DENND1B: variants seen among roughly 807,000 people sequenced by gnomAD.
DENND1B encodes the protein DENN domain-containing protein 1B.
DENND1B carries 59 observed loss-of-function variants against 90.1 expected under a neutral mutation model. That is an observed-to-expected ratio of 0.65 (90% CI 0.53 to 0.81). DENND1B has a LOEUF of 0.81. Ranked by LOEUF, DENND1B falls within the 40% of genes least tolerant of loss-of-function variation. The probability of loss-of-function intolerance (pLI) is 0.00; values close to 1 mark genes in which losing one functional copy is unlikely to be tolerated. For synonymous variants in DENND1B, 337 were observed against 324.6 expected (o/e 1.04, Z -0.41); for missense variants, 862 against 912.6 (o/e 0.94, Z 0.71).
intron 3 of DENND1B, among the ~76,000 whole-genome samples, chr1:197,714,403 C>T (rs1252056247): frequency 2.0e-5 from 3 of 152,020 alleles, no homozygotes; most frequent in Non-Finnish European, 4.4e-5. Context: ...TTTCTATTTA[C>T]ATATATCATG....
chr1:197,558,397 C>G (rs1053707352), intron 15 of DENND1B, among the ~76,000 whole-genome samples: 3 of 151,624 alleles, frequency 2.0e-5, no homozygotes, highest in African/African-American at 7.3e-5. Context: ...CCCTCTAAAT[C>G]ATCAACAATT....
chr1:197,653,487 G>A (rs1337802543), intron 6 of DENND1B, among the ~76,000 whole-genome samples: 1 of 151,928 alleles, frequency 6.6e-6, no homozygotes, highest in African/African-American at 2.4e-5. Context: ...TTCTTACATT[G>A]ATCAAGTAAG....
intron 12 of DENND1B, among the ~76,000 whole-genome samples, chr1:197,610,904 ATGT>A (rs1677126907): frequency 6.6e-6 from 1 of 150,912 alleles, no homozygotes; most frequent in Non-Finnish European, 1.5e-5. Context: ...CAAATAAAAA[ATGT>A]TGCCCTAGCA....
intron 15 of DENND1B, among the ~76,000 whole-genome samples, chr1:197,565,292 T>C (rs1287469158): frequency 6.6e-6 from 1 of 152,008 alleles, no homozygotes; most frequent in Non-Finnish European, 1.5e-5. Flanking sequence ...ACTCCTTTTA[T>C]TCAACATCTT....
chr1:197,672,125 T>C lies in DENND1B; in HGVS notation c.208A>G (p.Thr70Ala). 6.2e-7 allele frequency: 1 copy of C among 1,612,072 alleles called. No individual in the cohort carries two copies. The highest frequency in any genetic ancestry group is 8.5e-7 in the Non-Finnish European group (1 of 1,178,886). ...CTTTCAATGTCTGTCAGTACAAAGG[T>C]AAAGTGCTGTCCAACTTGATTCTGA... ...VSQNQVGQHF[T>A]FVLTDIESKQ... The change falls in exon 5 of 23, where the codon ACC (threonine) becomes GCC (alanine). Residue 70 changes from threonine (T) to alanine (A), a missense_variant. Physicochemically the swap from Thr to Ala is moderately conservative, Grantham distance 58. Coordinates refer to ENST00000620048, the MANE Select transcript of DENND1B (RefSeq NM_001195215.2).
In DENND1B at chr1:197,649,490, A is replaced by T. The variant is rs115557334; in HGVS notation, c.448-2376T>A. Among the ~76,000 whole-genome samples, 938 of 152,280 alleles carry T rather than the reference A, an allele frequency of 6.2e-3. 12 individuals carry two copies. The highest frequency in any genetic ancestry group is 0.022 in the African/African-American group (907 of 41,550). On this transcript the variant is annotated intron_variant, in intron 7 of 22. Coordinates refer to ENST00000620048, the MANE Select transcript of DENND1B (RefSeq NM_001195215.2). The stretch of plus-strand genomic sequence containing the variant: ...TAATGTAAGAGAACACTACTATCAC[A>T]TGAAATCACAGGATGAAATTTGCTC...
chr1:197,682,066 T>C (rs1395046313), intron 3 of DENND1B, among the ~76,000 whole-genome samples: 2 of 151,962 alleles, frequency 1.3e-5, no homozygotes, highest in African/African-American at 4.8e-5. Flanking sequence ...ATAAACCAGA[T>C]AGGACTCTTG....
intron 2 of DENND1B, among the ~76,000 whole-genome samples, chr1:197,737,993 C>T (rs1662867832): frequency 1.4e-5 from 2 of 140,686 alleles, no homozygotes; most frequent in South Asian, 2.5e-4. Flanking sequence ...GATAACCCAG[C>T]TCATTTTCTT....
At chr1:197,642,963 AC>A in intron 9 of DENND1B, 142 bp from the exon 10 acceptor site, 1 of 569,768 alleles carries the variant, frequency 1.8e-6, no homozygotes, top group Non-Finnish European at 3.1e-6. Context: ...TAAGTGTAAT[AC>A]TAGTCGGCTG....
chr1:197,753,836 A>C (rs1031563901), intron 2 of DENND1B, among the ~76,000 whole-genome samples: 3 of 151,932 alleles, frequency 2.0e-5, no homozygotes, highest in Non-Finnish European at 4.4e-5. Context: ...TCCCGTCTCT[A>C]CTAAAAATAC....
chr1:197,667,239 T>C (rs1022353836), intron 5 of DENND1B, among the ~76,000 whole-genome samples: 4 of 152,036 alleles, frequency 2.6e-5, no homozygotes, highest in African/African-American at 7.2e-5. Context: ...TTAGGTGTCA[T>C]AGAATTTCTC....
intron 10 of DENND1B, among the ~76,000 whole-genome samples, chr1:197,641,799 T>C (rs909393156): frequency 2.0e-5 from 3 of 152,140 alleles, no homozygotes; most frequent in Non-Finnish European, 2.9e-5. Context: ...GTTAAACAGA[T>C]ATCCTACAGA....
At chr1:197,713,852 T>TATATAATATATTATA (rs1186096088) in intron 3 of DENND1B, among the ~76,000 whole-genome samples, 3 of 6,768 alleles carry the variant, frequency 4.4e-4, no homozygotes, top group Non-Finnish European at 7.0e-4. Flanking sequence ...TATTATATTA[T>TATATAATATATTATA]TATAATATAT....
chr1:197,571,152 C>T (rs1402225342), intron 15 of DENND1B, among the ~76,000 whole-genome samples: 1 of 152,056 alleles, frequency 6.6e-6, no homozygotes, highest in East Asian at 1.9e-4. Context: ...CTGAAAAAGC[C>T]TCATAATTGG....
rs181998831 is a variant in DENND1B, at chr1:197,546,899, T to C, written c.1241-126A>G. ...AAATTTTATATGCAATGTTGAAAAG[T>C]AGTTCTAATAAAATCCAGCGATCAA... On this transcript the variant is annotated intron_variant, in intron 16 of 22. Transcript: ENST00000620048. 8.5e-4 allele frequency: 603 copies of C among 709,008 alleles called. 2 individuals are homozygous for C. Among genetic ancestry groups the C allele is most frequent in the Middle Eastern group, 3.3e-3 (9 of 2,752 alleles). The allele number at this position is 709,008 out of a possible 1,614,324, so 43.9% of individuals were successfully genotyped here.
intron 3 of DENND1B, among the ~76,000 whole-genome samples, chr1:197,688,424 T>C (rs1380303583): frequency 6.6e-6 from 1 of 152,072 alleles, no homozygotes; most frequent in Non-Finnish European, 1.5e-5. Context: ...CAAAGTATAT[T>C]ACAAAGCTAC....
In DENND1B at chr1:197,747,273, C is replaced by A. The variant is rs943701320; in HGVS notation, c.82+25595G>T. 11 of 618,848 alleles carry A rather than the reference C, an allele frequency of 1.8e-5. No individual in the cohort carries two copies. The Admixed American group carries it at 2.3e-4, about 13-fold the overall frequency. 38.3% of individuals were successfully genotyped at this position (618,848 alleles called of 1,614,324 possible). A position where few individuals can be genotyped will look rare whatever the true frequency, so the allele number is the denominator to read the frequency against. ...GACACTCTTCATAGGCATTTACATT[C>A]GACTCTGTTTCAGTTTTGGGTTCAT... is the stretch of plus-strand genomic sequence containing the variant. On this transcript the variant is annotated intron_variant, in intron 2 of 22. Transcript: ENST00000620048.
intron 7 of DENND1B, among the ~76,000 whole-genome samples, chr1:197,647,893 G>A (rs928742264): frequency 2.7e-5 from 4 of 149,694 alleles, no homozygotes; most frequent in Non-Finnish European, 5.9e-5. Context: ...TTTGCACTGA[G>A]CTGAGATCAC....
At chr1:197,733,752 T>C (rs1335547754) in intron 2 of DENND1B, among the ~76,000 whole-genome samples, 2 of 152,214 alleles carry the variant, frequency 1.3e-5, no homozygotes, top group Non-Finnish European at 1.5e-5. Flanking sequence ...AGGTATCCTG[T>C]TGAGAACCTG....
Sources: gnomAD v4.1 joint callset for allele counts (sites outside exome capture counted in the v4.1 genomes callset) on GRCh38, gnomAD v4.1.1 for gene constraint, MANE v1.5 for transcripts, NCBI Gene and HGNC (gene_info 2026-07-23, HGNC 2026-07-21) for gene names.